Variants in ZNF638 observed in about 807,000 individuals in gnomAD.
ZNF638 encodes CTCL tumor antigen se33-1.
ZNF638 carries 46 observed loss-of-function variants against 195.6 expected under a neutral mutation model. The observed-to-expected ratio is 0.24, with a 90% CI of 0.19 to 0.30. The LOEUF (loss-of-function observed/expected upper bound fraction) is 0.30. Among genes scored for constraint, ZNF638 ranks in the 10% least tolerant of loss-of-function variants. The pLI, the probability that ZNF638 is intolerant of heterozygous loss-of-function variation, is 1.00. For missense variants in ZNF638, 2,440 were observed against 2,325.3 expected, an observed-to-expected ratio of 1.05 and a Z score of -1.01; for synonymous variants, 845 against 772.0, an observed-to-expected ratio of 1.09 and a Z score of -1.57.
rs2080469158 is a variant in ZNF638 at position 71,423,251 on chromosome 2, A to G, written c.3737A>G (p.Glu1246Gly). The change falls in exon 22 of 28, where the codon GAA (glutamate) becomes GGA (glycine). Residue 1246 changes from glutamate (E) to glycine (G), a missense_variant. Around this residue, in one of 5 missense-constraint regions of ZNF638, gnomAD observed 1,883 missense variants for 1,739.1 expected, o/e 1.08. Coordinates refer to ENST00000264447, the MANE Select transcript of ZNF638 (RefSeq NM_014497.5). The stretch of plus-strand genomic sequence containing the variant: ...GGAATTCTAGAAGAATCTCCATCTG[A>G]AGCAGAAGATTTCATTTCTGGAATT... ...LKGILEESPS[E>G]AEDFISGITQ... The G allele has an allele frequency of 6.2e-7, 1 of 1,614,020 alleles. No homozygotes were observed. Among genetic ancestry groups the G allele is most frequent in the Admixed American group, 1.7e-5 (1 of 60,002 alleles).
At chr2:71,401,826 CTTGAGT>C (rs1185215226) in intron 15 of ZNF638, 124 bp from the exon 16 acceptor site, 1 of 785,302 alleles carries the variant, frequency 1.3e-6, no homozygotes, top group East Asian at 3.0e-5. Context: ...AGACCAGCCT[CTTGAGT>C]TTATCAGACT....
chr2:71,434,543 G>A (rs988195552), intron 27 of ZNF638, among the ~76,000 whole-genome samples, 199 bp from the exon 28 acceptor site: 3 of 152,064 alleles, frequency 2.0e-5, no homozygotes, highest in Non-Finnish European at 2.9e-5. Context: ...GAATCCTCAG[G>A]CACCAAGTGT....
chr2:71,350,208 A>G lies in ZNF638; in HGVS notation c.1254A>G (p.Ala418=), dbSNP rs145810685. The change falls in exon 2 of 28, where the codon GCA becomes GCG. Residue 418 remains alanine (A), a synonymous_variant. Transcript: ENST00000264447. ...CTTCTATGATGAATGATTATTATGC[A>G]GCATCTCCAAGAATATTTCCACATT... ...PTPSMMNDYY[A]ASPRIFPHLC... is the part of the protein sequence containing the mutation. The G allele has an allele frequency of 1.4e-5, 22 of 1,607,794 alleles. No homozygotes were observed. The highest frequency in any genetic ancestry group is 1.8e-5 in the Non-Finnish European group (21 of 1,180,004).
At chr2:71,404,908 T>C (rs1405452068) in intron 17 of ZNF638, among the ~76,000 whole-genome samples, 1 of 152,142 alleles carries the variant, frequency 6.6e-6, no homozygotes, top group Non-Finnish European at 1.5e-5. Flanking sequence ...GGTAGAAATA[T>C]TGTATGCATC....
intron 1 of ZNF638, among the ~76,000 whole-genome samples, chr2:71,338,219 C>CA (rs111601505): frequency 4.7e-4 from 71 of 152,322 alleles, no homozygotes; most frequent in African/African-American, 1.7e-3. Flanking sequence ...CTGTAACACC[C>CA]ACTCATGATT....
At chr2:71,434,358 G>C (rs1446586288) in intron 27 of ZNF638, among the ~76,000 whole-genome samples, 3 of 152,168 alleles carry the variant, frequency 2.0e-5, no homozygotes, top group African/African-American at 4.8e-5. Flanking sequence ...GCTTAAGAAA[G>C]ACCTAGCTAA....
chr2:71,396,160 G>A lies in ZNF638; in HGVS notation c.2397G>A (p.Lys799=). 1 of 1,613,270 alleles carries A rather than the reference G, an allele frequency of 6.2e-7. No individual in the cohort carries two copies. The highest frequency in any genetic ancestry group is 8.5e-7 in the Non-Finnish European group (1 of 1,179,764). ...STSAAKTGQA[K]ASVAKVNKST... ...TTTTAGCCAAAACTGGACAAGCCAA[G>A]GCATCTGTAGCCAAAGTAAACAAAT... Residue 799 remains lysine (K), a synonymous_variant, in exon 11 of 28, where the codon AAG becomes AAA. Transcript: ENST00000264447.
intron 10 of ZNF638, chr2:71,395,578 C>G (rs569500573): frequency 1.7e-6 from 1 of 584,636 alleles, no homozygotes; most frequent in Admixed American, 2.5e-5. Flanking sequence ...CATCCTATTG[C>G]GCGCAGGACT....
At chr2:71,377,240 G>T (rs2079447587) in intron 8 of ZNF638, among the ~76,000 whole-genome samples, 1 of 152,142 alleles carries the variant, frequency 6.6e-6, no homozygotes. Flanking sequence ...CTCAACAAAA[G>T]GGAGCTGGGG....
intron 22 of ZNF638, among the ~76,000 whole-genome samples, chr2:71,424,325 C>G (rs1384731489): frequency 1.3e-5 from 2 of 151,616 alleles, no homozygotes; most frequent in African/African-American, 4.8e-5. Flanking sequence ...AGTGAATCTC[C>G]TAAGGTGATT....
chr2:71,387,503 T>C (rs183448031), intron 10 of ZNF638, among the ~76,000 whole-genome samples: 2 of 152,188 alleles, frequency 1.3e-5, no homozygotes, highest in Admixed American at 6.5e-5. Context: ...AAATCCCATC[T>C]CTACTAAAAA....
intron 1 of ZNF638, chr2:71,341,936 C>T (rs1054099691): frequency 2.6e-5 from 4 of 152,080 alleles, no homozygotes; most frequent in East Asian, 1.9e-4. Flanking sequence ...TTATTTTCTT[C>T]GTTGTGATAT....
intron 27 of ZNF638, among the ~76,000 whole-genome samples, chr2:71,434,193 C>G (rs2080721052): frequency 6.6e-6 from 1 of 152,208 alleles, no homozygotes; most frequent in Non-Finnish European, 1.5e-5. Flanking sequence ...TGTGTTTCAG[C>G]TTTTCTGGCT....
chr2:71,396,248 A>T, intron 11 of ZNF638, 57 bp downstream of exon 11: 2 of 1,420,814 alleles, frequency 1.4e-6, no homozygotes, highest in Non-Finnish European at 2.0e-6. Context: ...TGTATTTTAA[A>T]ATCGTATGGC....
At chr2:71,344,778 T>C (rs1301817874) in intron 1 of ZNF638, among the ~76,000 whole-genome samples, 1 of 152,138 alleles carries the variant, frequency 6.6e-6, no homozygotes, top group Non-Finnish European at 1.5e-5. Context: ...AAATAAGGCT[T>C]CAGAATTATG....
At chr2:71,425,996 G>A (rs1342127379) in intron 23 of ZNF638, among the ~76,000 whole-genome samples, 1 of 152,146 alleles carries the variant, frequency 6.6e-6, no homozygotes, top group Non-Finnish European at 1.5e-5. Flanking sequence ...ATTAGTTAAT[G>A]TGTAATCAAT....
At chr2:71,398,470 C>T (rs2079940934) in intron 11 of ZNF638, among the ~76,000 whole-genome samples, 1 of 152,072 alleles carries the variant, frequency 6.6e-6, no homozygotes, top group Non-Finnish European at 1.5e-5. Flanking sequence ...GGATGTTTGA[C>T]CTATACCCCA....
In ZNF638 at chr2:71,350,037, C is replaced by G; in HGVS notation, c.1083C>G (p.Asn361Lys). 1.2e-6 allele frequency: 2 copies of G among 1,614,172 alleles called. No individual in the cohort carries two copies. The highest frequency in any genetic ancestry group is 1.7e-6 in the Non-Finnish European group (2 of 1,180,034). The change falls in exon 2 of 28, where the codon AAC becomes AAG. Residue 361 changes from asparagine to lysine, a missense_variant. Physicochemically the swap from Asn to Lys is moderately conservative, Grantham distance 94 (BLOSUM62 0). This residue lies in a region of ZNF638 where 305 missense variants were observed against 283.6 expected (regional missense o/e 1.08). Coordinates refer to ENST00000264447, the MANE Select transcript of ZNF638 (RefSeq NM_014497.5). ...ATGAACCTGTGATTAATTCATCTAA[C>G]GTACATGTTGGATCAAGAGGAAGTA... ...IPHEPVINSSNVHVGSRGSKK... is the reference protein window; with the variant it reads ...IPHEPVINSSKVHVGSRGSKK...
intron 15 of ZNF638, among the ~76,000 whole-genome samples, chr2:71,401,129 T>A (rs2079997615): frequency 6.6e-6 from 1 of 152,262 alleles, no homozygotes; most frequent in Admixed American, 6.5e-5. Context: ...TTAGGAAGAG[T>A]ATTTTATAGC....
Sources: allele counts gnomAD v4.1 joint callset (sites outside exome capture counted in the v4.1 genomes callset), GRCh38; gene constraint gnomAD v4.1.1; regional missense constraint gnomAD v4.1.1; transcripts MANE v1.5; gene names NCBI Gene and HGNC (gene_info 2026-07-23, HGNC 2026-07-21).